The following RAPGEF4 variants were observed in gnomAD, a reference collection of about 807,000 sequenced individuals.
RAPGEF4 encodes Rap guanine nucleotide exchange factor 4.
RAPGEF4 carries 66 observed loss-of-function variants against 147.9 expected under a neutral mutation model. The ratio of observed to expected loss-of-function variants is 0.45; its 90% CI spans 0.37 to 0.55. The LOEUF (loss-of-function observed/expected upper bound fraction) is 0.55, where lower values mean the gene tolerates loss of function less well. Ranked by LOEUF, RAPGEF4 falls within the 20% of genes least tolerant of loss-of-function variation. RAPGEF4 has a pLI of 0.00. For synonymous variants in RAPGEF4, 419 were observed against 442.7 expected (o/e 0.95, Z 0.67); for missense variants, 1,071 against 1,257.3 (o/e 0.85, Z 2.24).
chr2:172,980,400 G>A (rs1014397065), intron 10 of RAPGEF4, among the ~76,000 whole-genome samples: 3 of 152,264 alleles, frequency 2.0e-5, no homozygotes, highest in African/African-American at 7.2e-5. Flanking sequence ...TGGAAGTTGA[G>A]GGTTTTTCCC....
At chr2:173,031,265 C>A (rs1377100826) in intron 26 of RAPGEF4, among the ~76,000 whole-genome samples, 1 of 152,190 alleles carries the variant, frequency 6.6e-6, no homozygotes, top group Non-Finnish European at 1.5e-5. Flanking sequence ...CAGCACACAG[C>A]AGCTCATCCC....
chr2:172,957,083 G>A (rs567635902), intron 6 of RAPGEF4, among the ~76,000 whole-genome samples: 6 of 152,294 alleles, frequency 3.9e-5, no homozygotes, highest in African/African-American at 1.4e-4. Context: ...TATTGGCTGT[G>A]TGAGCACAGG....
At chr2:172,816,348 T>G (rs1174830206) in intron 4 of RAPGEF4, among the ~76,000 whole-genome samples, 1 of 152,006 alleles carries the variant, frequency 6.6e-6, no homozygotes, top group Non-Finnish European at 1.5e-5. Flanking sequence ...AAAGGCCAGG[T>G]CAATTTCTCC....
chr2:172,919,929 C>T (rs1188589793), intron 5 of RAPGEF4, among the ~76,000 whole-genome samples: 3 of 152,062 alleles, frequency 2.0e-5, no homozygotes, highest in Non-Finnish European at 4.4e-5. Flanking sequence ...TGCATGTTCA[C>T]AGTCTTCCTT....
chr2:172,955,746 G>A (rs577610770), intron 6 of RAPGEF4, among the ~76,000 whole-genome samples: 21 of 152,152 alleles, frequency 1.4e-4, no homozygotes, highest in Admixed American at 1.1e-3. Context: ...ACTCTGTGCC[G>A]TCCCGCTGTC....
At chr2:173,039,186 G>T (rs796730409) in intron 29 of RAPGEF4, among the ~76,000 whole-genome samples, 1 of 152,078 alleles carries the variant, frequency 6.6e-6, no homozygotes, top group Non-Finnish European at 1.5e-5. Context: ...GGCCAGGTGT[G>T]GTGGCTCACG....
intron 4 of RAPGEF4, among the ~76,000 whole-genome samples, chr2:172,869,966 G>A (rs1210464389): frequency 2.6e-5 from 4 of 152,124 alleles, no homozygotes; most frequent in Non-Finnish European, 5.9e-5. Context: ...CATCCTACGG[G>A]TGAACTCCAC....
At chr2:173,047,217 C>A (rs1023966858) in intron 29 of RAPGEF4, among the ~76,000 whole-genome samples, 1 of 152,134 alleles carries the variant, frequency 6.6e-6, no homozygotes, top group Non-Finnish European at 1.5e-5. Context: ...AGAAATGGAG[C>A]GTAGGTCTCA....
chr2:173,036,328 C>G, intron 28 of RAPGEF4, 116 bp downstream of exon 28: 1 of 855,468 alleles, frequency 1.2e-6, no homozygotes. Context: ...ATCCTTCTGC[C>G]TTCTTTGTCA....
At chr2:172,804,066 T>C (rs542195315) in intron 3 of RAPGEF4, among the ~76,000 whole-genome samples, 1 of 152,238 alleles carries the variant, frequency 6.6e-6, no homozygotes, top group South Asian at 2.1e-4. Flanking sequence ...AAGATGAGAT[T>C]TGGGTGGGGA....
At chr2:173,020,579 T>C in intron 22 of RAPGEF4, 39 bp from the exon 23 acceptor site, 1 of 1,507,836 alleles carries the variant, frequency 6.6e-7, no homozygotes, top group East Asian at 2.3e-5. Context: ...AAATCTCAGA[T>C]GTATTTAATA....
chr2:172,817,031 A>C (rs1014240165), intron 4 of RAPGEF4, among the ~76,000 whole-genome samples: 28 of 152,244 alleles, frequency 1.8e-4, no homozygotes, highest in Admixed American at 4.6e-4. Flanking sequence ...TGATAATCCT[A>C]AAAAGTTACA....
At chr2:172,872,811 A>G (rs879207530) in intron 4 of RAPGEF4, among the ~76,000 whole-genome samples, 1 of 152,078 alleles carries the variant, frequency 6.6e-6, no homozygotes, top group Admixed American at 6.6e-5. Context: ...TTTTCTTCAT[A>G]AATTACCCAG....
intron 1 of RAPGEF4, among the ~76,000 whole-genome samples, chr2:172,760,936 C>A (rs1696258363): frequency 6.6e-6 from 1 of 151,846 alleles, no homozygotes; most frequent in Admixed American, 6.6e-5. Context: ...AAGAAATCCA[C>A]ACCAAGACAC....
At chr2:172,930,119 T>A (rs920452127) in intron 6 of RAPGEF4, among the ~76,000 whole-genome samples, 1 of 152,154 alleles carries the variant, frequency 6.6e-6, no homozygotes, top group Non-Finnish European at 1.5e-5. Flanking sequence ...GGAGGCAATG[T>A]CTGGGTGGGT....
chr2:172,871,903 G>GAGAAGTTAACC (rs1695284704), intron 4 of RAPGEF4, among the ~76,000 whole-genome samples: 1 of 152,248 alleles, frequency 6.6e-6, no homozygotes, highest in African/African-American at 2.4e-5. Flanking sequence ...CTGAGGCTCA[G>GAGAAGTTAACC]AGAAGTTAAC....
At chr2:172,835,998 A>G (rs980304797) in intron 4 of RAPGEF4, among the ~76,000 whole-genome samples, 1 of 152,290 alleles carries the variant, frequency 6.6e-6, no homozygotes, top group Non-Finnish European at 1.5e-5. Flanking sequence ...CTGACTTTGA[A>G]TGAGGGTGAT....
At chr2:172,923,969 TA>T (rs567731095) in intron 6 of RAPGEF4, among the ~76,000 whole-genome samples, 18 of 151,660 alleles carry the variant, frequency 1.2e-4, no homozygotes, top group Admixed American at 1.2e-3. Context: ...TAAAAAACTT[TA>T]AAAAAAATCT....
At chr2:173,001,015 C>A (rs1019707512) in intron 16 of RAPGEF4, among the ~76,000 whole-genome samples, 1 of 152,088 alleles carries the variant, frequency 6.6e-6, no homozygotes, top group African/African-American at 2.4e-5. Flanking sequence ...GGCTAAGGTA[C>A]CCAGTGCCGT....
Sources: allele counts gnomAD v4.1 joint callset (sites outside exome capture counted in the v4.1 genomes callset), GRCh38; gene constraint gnomAD v4.1.1; transcripts MANE v1.5; gene names NCBI Gene and HGNC (gene_info 2026-07-23, HGNC 2026-07-21).